Variants in CBLN2 observed in about 807,000 individuals in gnomAD.
The protein encoded by CBLN2 is cerebellin-2.
Under a neutral mutation model 15.0 loss-of-function variants are expected in CBLN2, and 7 were observed. That is an observed-to-expected ratio of 0.47 (90% confidence interval 0.27 to 0.88). The LOEUF (loss-of-function observed/expected upper bound fraction) is 0.88. Ranked by LOEUF, CBLN2 falls within the 40% of genes least tolerant of loss-of-function variation. CBLN2 has a pLI of 0.14. For missense variants in CBLN2, 242 were observed against 304.5 expected (o/e 0.79, Z 1.53); for synonymous variants, 149 against 135.2 (o/e 1.10, Z -0.71).
chr18:72,598,581 C>A (rs915731361), intron 1 of CBLN2, among the ~76,000 whole-genome samples: 4 of 152,274 alleles, frequency 2.6e-5, no homozygotes, highest in East Asian at 3.9e-4. Context: ...AGGCCACATG[C>A]CCCCCAAATC....
chr18:72,573,017 G>C (rs1485190561), intron 1 of CBLN2, among the ~76,000 whole-genome samples: 1 of 152,146 alleles, frequency 6.6e-6, no homozygotes, highest in Non-Finnish European at 1.5e-5. Context: ...CAAAGACCCA[G>C]AATTTTCTAT....
intron 1 of CBLN2, among the ~76,000 whole-genome samples, chr18:72,599,587 A>G (rs2069534832): frequency 6.6e-6 from 1 of 152,244 alleles, no homozygotes; most frequent in Non-Finnish European, 1.5e-5. Flanking sequence ...AGATATTTAT[A>G]TGGGGCAAAT....
At chr18:72,555,653 T>A (rs979462428) in intron 1 of CBLN2, among the ~76,000 whole-genome samples, 2 of 152,224 alleles carry the variant, frequency 1.3e-5, no homozygotes, top group African/African-American at 4.8e-5. Context: ...TATGTTCAAA[T>A]CTGAAATTAA....
intron 1 of CBLN2, among the ~76,000 whole-genome samples, chr18:72,621,468 T>G (rs896920693): frequency 1.1e-4 from 17 of 152,236 alleles, no homozygotes; most frequent in African/African-American, 3.9e-4. Flanking sequence ...TTGACAATAA[T>G]TAATTGTTAT....
rs1169851043 is a variant in CBLN2 at position 72,625,698 on chromosome 18, CTATATA to C, written c.15+12621_15+12626del. 9.1e-3 allele frequency among the ~76,000 whole-genome samples: 423 copies of C among 46,584 alleles called. 5 individuals carry two copies. The highest frequency in any genetic ancestry group is 0.038 in the African/African-American group (402 of 10,696). The allele number at this position is 46,584 out of a possible 152,430, so 30.6% of individuals were successfully genotyped here. On this transcript the variant is annotated intron_variant, in intron 1 of 2. Transcript: ENST00000581073. Reference sequence around the variant, plus strand: ...TATAGTATTATTATATATAGTATTACTATATATATATATATATATATATATATACAC... The same window carrying C: ...TATAGTATTATTATATATAGTATTACTATATATATATATATATATATACAC...
At chr18:72,582,511 T>C (rs944922582) in intron 1 of CBLN2, among the ~76,000 whole-genome samples, 2 of 152,170 alleles carry the variant, frequency 1.3e-5, no homozygotes, top group Non-Finnish European at 1.5e-5. Context: ...GTTTCTGATA[T>C]GAGGCGAGAG....
At chr18:72,605,217 T>G (rs1235765154) in intron 1 of CBLN2, among the ~76,000 whole-genome samples, 1 of 152,224 alleles carries the variant, frequency 6.6e-6, no homozygotes, top group Non-Finnish European at 1.5e-5. Context: ...TTTTATTTTA[T>G]TTTATTGCTC....
intron 1 of CBLN2, among the ~76,000 whole-genome samples, chr18:72,596,185 T>C (rs568809517): frequency 6.6e-6 from 1 of 152,146 alleles, no homozygotes; most frequent in South Asian, 2.1e-4. Context: ...ATATGTTGTA[T>C]ATTTTTTGAT....
At chr18:72,620,409 TG>T (rs2069692620) in intron 1 of CBLN2, 2 of 152,090 alleles carry the variant, frequency 1.3e-5, no homozygotes, top group Admixed American at 1.3e-4. Context: ...GGAAAGGAAA[TG>T]GGATGGGCAG....
chr18:72,564,383 C>A (rs957982030), intron 1 of CBLN2, among the ~76,000 whole-genome samples: 23 of 151,922 alleles, frequency 1.5e-4, no homozygotes, highest in Non-Finnish European at 3.4e-4. Flanking sequence ...AAATGTGGAG[C>A]TGTAGAATTC....
In CBLN2 at chr18:72,626,861, C is replaced by T. The variant is rs193235370; in HGVS notation, c.15+11464G>A. Among the ~76,000 whole-genome samples the T allele has an allele frequency of 5.0e-3, 766 of 152,316 alleles. 43 individuals are homozygous for T. In the South Asian group the frequency reaches 0.12, roughly 23 times the overall value. On this transcript the variant is annotated intron_variant, in intron 1 of 2. Coordinates refer to the CBLN2 transcript ENST00000581073. ...GGCTTTCATCCAACCTTCTGCTCAG[C>T]CTCTCTTTTTGAGTGATCCAAACTG... is the stretch of plus-strand genomic sequence containing the variant.
intron 1 of CBLN2, among the ~76,000 whole-genome samples, chr18:72,615,057 A>AT (rs1568132372): frequency 5.1e-5 from 7 of 137,508 alleles, no homozygotes; most frequent in African/African-American, 1.9e-4. Flanking sequence ...ATATATATAT[A>AT]AATATATATA....
intron 1 of CBLN2, among the ~76,000 whole-genome samples, chr18:72,595,724 T>C (rs1353562495): frequency 1.3e-5 from 2 of 152,194 alleles, no homozygotes; most frequent in Non-Finnish European, 2.9e-5. Flanking sequence ...CATATATATT[T>C]ACAATTGTAA....
chr18:72,611,368 T>C (rs2069621254), intron 1 of CBLN2, among the ~76,000 whole-genome samples: 1 of 152,202 alleles, frequency 6.6e-6, no homozygotes, highest in Non-Finnish European at 1.5e-5. Flanking sequence ...CAGTAGTGTA[T>C]AAGCATTCTC....
intron 3 of CBLN2, among the ~76,000 whole-genome samples, chr18:72,541,224 T>C (rs2069108093): frequency 6.6e-6 from 1 of 152,236 alleles, no homozygotes; most frequent in Admixed American, 6.5e-5. Context: ...TACTATATAT[T>C]TTACTTACAC....
chr18:72,596,201 G>C (rs1336137830), intron 1 of CBLN2, among the ~76,000 whole-genome samples: 3 of 151,636 alleles, frequency 2.0e-5, no homozygotes. Context: ...TTGATTTGCG[G>C]TTACATGAAG....
At chr18:72,567,917 C>G (rs1416572339) in intron 1 of CBLN2, among the ~76,000 whole-genome samples, 1 of 152,126 alleles carries the variant, frequency 6.6e-6, no homozygotes, top group East Asian at 1.9e-4. Flanking sequence ...ACACAAGAAG[C>G]AATAATTTTC....
chr18:72,560,551 T>C (rs1265969258), intron 1 of CBLN2, among the ~76,000 whole-genome samples: 2 of 152,164 alleles, frequency 1.3e-5, no homozygotes, highest in Non-Finnish European at 2.9e-5. Flanking sequence ...CGCAAATTGC[T>C]CTCTGATTTC....
chr18:72,544,726 C>T (rs541538882), upstream of CBLN2: 11 of 152,168 alleles, frequency 7.2e-5, no homozygotes, highest in African/African-American at 2.4e-4. Flanking sequence ...AAGCAGCACG[C>T]CGCCTGATTT....
Sources: gnomAD v4.1 joint callset for allele counts (sites outside exome capture counted in the v4.1 genomes callset) on GRCh38, gnomAD v4.1.1 for gene constraint, MANE v1.5 for transcripts, NCBI Gene and HGNC (gene_info 2026-07-23, HGNC 2026-07-21) for gene names.